Variants in UNC5D observed in about 807,000 individuals in gnomAD.
The protein encoded by UNC5D is unc-5 netrin receptor D.
Under a neutral mutation model 105.4 loss-of-function variants are expected in UNC5D, and 39 were observed. The observed-to-expected ratio is 0.37, with a 90% CI of 0.29 to 0.48. The LOEUF (loss-of-function observed/expected upper bound fraction) is 0.48, where lower values mean the gene tolerates loss of function less well. Ranked by LOEUF, UNC5D falls within the 20% of genes least tolerant of loss-of-function variation. UNC5D has a pLI of 0.98. For missense variants in UNC5D, 991 were observed against 1,202.4 expected (o/e 0.82, Z 2.60); for synonymous variants, 452 against 450.4 (o/e 1.00, Z -0.04).
At chr8:35,652,296 A>G (rs1823462669) in intron 4 of UNC5D, among the ~76,000 whole-genome samples, 1 of 152,214 alleles carries the variant, frequency 6.6e-6, no homozygotes. Flanking sequence ...TGCTTTTCAA[A>G]GTCATCTACT....
intron 1 of UNC5D, among the ~76,000 whole-genome samples, chr8:35,287,902 A>G (rs1367531680): frequency 6.6e-6 from 1 of 152,166 alleles, no homozygotes; most frequent in African/African-American, 2.4e-5. Context: ...GACATTTGAA[A>G]TTATCGAATC....
intron 1 of UNC5D, among the ~76,000 whole-genome samples, chr8:35,482,751 A>T (rs529504040): frequency 1.3e-5 from 2 of 151,356 alleles, no homozygotes; most frequent in Non-Finnish European, 2.9e-5. Flanking sequence ...ATAATTTGCA[A>T]GGTAACTACA....
At chr8:35,619,984 C>A (rs1821260760) in intron 4 of UNC5D, among the ~76,000 whole-genome samples, 1 of 152,318 alleles carries the variant, frequency 6.6e-6, no homozygotes, top group South Asian at 2.1e-4. Flanking sequence ...AGCATGACTG[C>A]CTCAACTCAG....
intron 7 of UNC5D, among the ~76,000 whole-genome samples, chr8:35,689,129 C>G (rs1826223122): frequency 6.6e-6 from 1 of 152,176 alleles, no homozygotes; most frequent in South Asian, 2.1e-4. Context: ...CTAACAACCA[C>G]AGGTTGTACT....
In UNC5D at chr8:35,512,569, A is replaced by ATATATATATATCTC. The variant is rs539399345; in HGVS notation, c.104-36722_104-36721insATATATATATCTCT. On this transcript the variant is annotated intron_variant, in intron 1 of 16. Transcript: ENST00000404895. Reference sequence around the variant, plus strand: ...TATATATATATATATATATATATATATCTGAATAGATTACTAAATGGAGAT... The same window carrying ATATATATATATCTC: ...TATATATATATATATATATATATATATATATATATATCTCTCTGAATAGATTACTAAATGGAGAT... 1.7e-3 allele frequency among the ~76,000 whole-genome samples: 108 copies of ATATATATATATCTC among 64,820 alleles called. 6 individuals are homozygous for ATATATATATATCTC. The highest frequency in any genetic ancestry group is 9.1e-3 in the Middle Eastern group (1 of 110). 42.5% of individuals were successfully genotyped at this position (64,820 alleles called of 152,430 possible).
At chr8:35,760,040 CTT>C (rs796124727) in intron 14 of UNC5D, among the ~76,000 whole-genome samples, 24 of 132,834 alleles carry the variant, frequency 1.8e-4, no homozygotes, top group Non-Finnish European at 1.8e-4. Flanking sequence ...TTTACTTTTT[CTT>C]TTTTTTTTTT....
intron 7 of UNC5D, among the ~76,000 whole-genome samples, chr8:35,696,052 T>G (rs1165920120): frequency 6.6e-6 from 1 of 152,040 alleles, no homozygotes; most frequent in Non-Finnish European, 1.5e-5. Flanking sequence ...TCCTAATTTG[T>G]CAACACAAAT....
chr8:35,371,930 C>T (rs912645376), intron 1 of UNC5D, among the ~76,000 whole-genome samples: 5 of 152,078 alleles, frequency 3.3e-5, no homozygotes, highest in African/African-American at 1.2e-4. Flanking sequence ...AGCAATGAAC[C>T]GTTGTCTAAT....
intron 3 of UNC5D, among the ~76,000 whole-genome samples, chr8:35,584,793 C>G (rs543096313): frequency 6.6e-6 from 1 of 152,130 alleles, no homozygotes; most frequent in East Asian, 1.9e-4. Context: ...ATGTTATAGC[C>G]TTTGTAAGAC....
intron 1 of UNC5D, among the ~76,000 whole-genome samples, chr8:35,487,593 A>ACACACACACACCCCC (rs1415748793): frequency 1.6e-4 from 24 of 150,472 alleles, no homozygotes; most frequent in African/African-American, 5.4e-4. Context: ...ACACACACAC[A>ACACACACACACCCCC]CCCCACAGAC....
chr8:35,477,576 C>T (rs1368260486), intron 1 of UNC5D, among the ~76,000 whole-genome samples: 1 of 152,022 alleles, frequency 6.6e-6, no homozygotes, highest in Non-Finnish European at 1.5e-5. Context: ...AATCCATGCA[C>T]AGGCTATTCT....
chr8:35,720,367 G>A (rs1177165269), intron 8 of UNC5D, among the ~76,000 whole-genome samples: 2 of 152,212 alleles, frequency 1.3e-5, no homozygotes, highest in African/African-American at 4.8e-5. Context: ...TGCTGAGCAG[G>A]TGTGTTCTCC....
At chr8:35,763,469 G>T in intron 14 of UNC5D, among the ~76,000 whole-genome samples, 1 of 143,202 alleles carries the variant, frequency 7.0e-6, no homozygotes. Flanking sequence ...TTTTTTGGAA[G>T]GCAAGCATTA....
intron 1 of UNC5D, among the ~76,000 whole-genome samples, chr8:35,339,408 T>A (rs1022272833): frequency 1.3e-5 from 2 of 152,330 alleles, no homozygotes; most frequent in African/African-American, 4.8e-5. Flanking sequence ...TAAAATGTAG[T>A]GGGACTCATT....
chr8:35,570,632 G>A (rs187797223), intron 3 of UNC5D, among the ~76,000 whole-genome samples: 1 of 151,824 alleles, frequency 6.6e-6, no homozygotes, highest in Non-Finnish European at 1.5e-5. Flanking sequence ...ACTCTCCCAG[G>A]CATGAGAGAA....
intron 1 of UNC5D, among the ~76,000 whole-genome samples, chr8:35,389,249 A>G (rs1803618270): frequency 6.6e-6 from 1 of 152,150 alleles, no homozygotes; most frequent in Non-Finnish European, 1.5e-5. Flanking sequence ...ATCCTGCATT[A>G]TTCTTGATTT....
chr8:35,309,889 T>C (rs1198323936), intron 1 of UNC5D, among the ~76,000 whole-genome samples: 3 of 152,174 alleles, frequency 2.0e-5, no homozygotes, highest in East Asian at 1.9e-4. Context: ...TCAAAACAAT[T>C]GTGAGAATCT....
intron 1 of UNC5D, among the ~76,000 whole-genome samples, chr8:35,276,149 A>G (rs1261233191): frequency 6.6e-6 from 1 of 152,232 alleles, no homozygotes; most frequent in Non-Finnish European, 1.5e-5. Flanking sequence ...TGAAATCCTC[A>G]GAATAAATTG....
At chr8:35,746,423 G>T (rs991083418) in intron 11 of UNC5D, among the ~76,000 whole-genome samples, 7 of 145,640 alleles carry the variant, frequency 4.8e-5, no homozygotes, top group African/African-American at 1.5e-4. Context: ...GTGAAGTTTT[G>T]TTCCTTCACC....
Sources: gnomAD v4.1 joint callset for allele counts (sites outside exome capture counted in the v4.1 genomes callset) on GRCh38, gnomAD v4.1.1 for gene constraint, MANE v1.5 for transcripts, NCBI Gene and HGNC (gene_info 2026-07-23, HGNC 2026-07-21) for gene names.